The following PDE1A variants were observed in gnomAD, a reference collection of about 807,000 sequenced individuals.
The protein encoded by PDE1A is phosphodiesterase 1A, also known as dual specificity calcium/calmodulin-dependent 3',5'-cyclic nucleotide phosphodiesterase 1A.
Under a neutral mutation model 61.7 loss-of-function variants are expected in PDE1A, and 35 were observed. The ratio of observed to expected loss-of-function variants is 0.57; its 90% CI spans 0.43 to 0.75. The LOEUF is 0.75. Among genes scored for constraint, PDE1A ranks in the 30% least tolerant of loss-of-function variants. The pLI is 0.00. For synonymous variants in PDE1A, 232 were observed against 213.2 expected, an observed-to-expected ratio of 1.09 and a Z score of -0.77; for missense variants, 597 against 630.6, an observed-to-expected ratio of 0.95 and a Z score of 0.57.
the PDE1A span, among the ~76,000 whole-genome samples, chr2:182,534,618 CTTTTT>C: frequency 6.6e-6 from 1 of 151,202 alleles, no homozygotes; most frequent in Non-Finnish European, 1.5e-5. Flanking sequence ...AATTTTTAAT[CTTTTT>C]TTCTTTTCTA....
the PDE1A span, among the ~76,000 whole-genome samples, chr2:182,560,339 T>A: frequency 1.4e-3 from 218 of 151,486 alleles, no homozygotes; most frequent in Middle Eastern, 0.01. Context: ...TTGCGATAGT[T>A]TACTGAGAAT....
At chr2:182,191,470 G>T (rs1050173471) in intron 10 of PDE1A, among the ~76,000 whole-genome samples, 1 of 152,116 alleles carries the variant, frequency 6.6e-6, no homozygotes, top group Non-Finnish European at 1.5e-5. Flanking sequence ...TGATATTAGA[G>T]ATGCTTATTT....
intron 2 of PDE1A, among the ~76,000 whole-genome samples, chr2:182,485,183 C>A (rs1304118433): frequency 1.3e-5 from 2 of 152,044 alleles, no homozygotes; most frequent in Non-Finnish European, 2.9e-5. Flanking sequence ...TACTATGCAG[C>A]CATAAAAAGA....
At chr2:182,305,071 C>T (rs1302159311) in intron 1 of PDE1A, among the ~76,000 whole-genome samples, 2 of 152,078 alleles carry the variant, frequency 1.3e-5, no homozygotes, top group Non-Finnish European at 2.9e-5. Flanking sequence ...TTTCAGTTGT[C>T]CACCAAGAAA....
chr2:182,222,594 T>C (rs1479063587), intron 7 of PDE1A, among the ~76,000 whole-genome samples: 1 of 151,972 alleles, frequency 6.6e-6, no homozygotes, highest in Non-Finnish European at 1.5e-5. Flanking sequence ...GTAACAAATA[T>C]CTCACACCAG....
the PDE1A span, among the ~76,000 whole-genome samples, chr2:182,603,251 C>T: frequency 6.6e-6 from 1 of 152,150 alleles, no homozygotes; most frequent in African/African-American, 2.4e-5. Context: ...ATCAGTTTTG[C>T]TGATATTCAC....
intron 2 of PDE1A, among the ~76,000 whole-genome samples, chr2:182,511,168 T>C (rs1186460571): frequency 3.3e-5 from 5 of 151,954 alleles, no homozygotes; most frequent in Admixed American, 1.3e-4. Flanking sequence ...AATTGAGGAA[T>C]TGAAAAATCA....
At chr2:182,380,766 T>C (rs1386347459) in intron 1 of PDE1A, among the ~76,000 whole-genome samples, 1 of 152,238 alleles carries the variant, frequency 6.6e-6, no homozygotes, top group South Asian at 2.1e-4. Flanking sequence ...AGGATAATTA[T>C]TAGGCATGGA....
chr2:182,199,104 A>G (rs1193111385), intron 10 of PDE1A, among the ~76,000 whole-genome samples: 4 of 151,952 alleles, frequency 2.6e-5, no homozygotes, highest in African/African-American at 7.2e-5. Context: ...AATTTTGACA[A>G]TTTCATCTAA....
intron 2 of PDE1A, among the ~76,000 whole-genome samples, chr2:182,434,840 C>T (rs952257038): frequency 7.2e-5 from 11 of 151,858 alleles, no homozygotes; most frequent in African/African-American, 2.4e-4. Context: ...TCATTGGCCA[C>T]AAATTCAATA....
chr2:182,305,967 A>G (rs1695556266), intron 1 of PDE1A, among the ~76,000 whole-genome samples: 1 of 152,154 alleles, frequency 6.6e-6, no homozygotes, highest in Non-Finnish European at 1.5e-5. Flanking sequence ...ATACTATGCA[A>G]TAGAGTTCAA....
intron 2 of PDE1A, among the ~76,000 whole-genome samples, chr2:182,468,300 G>C (rs1686803441): frequency 6.6e-6 from 1 of 151,842 alleles, no homozygotes; most frequent in South Asian, 2.1e-4. Flanking sequence ...TCTTAACTAA[G>C]TTTATGTACA....
chr2:182,354,365 C>T (rs7599577), intron 1 of PDE1A, among the ~76,000 whole-genome samples: 3,320 of 152,220 alleles, frequency 0.022, 136 homozygotes, highest in African/African-American at 0.076. Flanking sequence ...GGGGCACATC[C>T]TATCAATCCT....
chr2:182,163,456 T>C (rs973561859), downstream of PDE1A, among the ~76,000 whole-genome samples: 1 of 151,000 alleles, frequency 6.6e-6, no homozygotes. Flanking sequence ...TTGATGATAT[T>C]ATGTTAATTG....
upstream of PDE1A, among the ~76,000 whole-genome samples, chr2:182,428,146 C>A (rs555960385): frequency 2.5e-3 from 382 of 152,180 alleles, 3 homozygotes; most frequent in South Asian, 0.012. Flanking sequence ...GAGCATTGAA[C>A]TAAAAATAAA....
chr2:182,204,116 A>C (rs1480667835), intron 8 of PDE1A, among the ~76,000 whole-genome samples: 1 of 131,936 alleles, frequency 7.6e-6, no homozygotes, highest in Non-Finnish European at 1.6e-5. Context: ...TGAGGAAAAA[A>C]TGTTTATTTC....
chr2:182,626,830 TATATATAC>T, the PDE1A span, among the ~76,000 whole-genome samples: 107 of 31,782 alleles, frequency 3.4e-3, 3 homozygotes, highest in South Asian at 7.9e-3. Context: ...TATATACATA[TATATATAC>T]ATATATATAC....
chr2:182,464,498 A>C (rs1686523138), intron 2 of PDE1A, among the ~76,000 whole-genome samples: 2 of 152,154 alleles, frequency 1.3e-5, no homozygotes, highest in Admixed American at 6.5e-5. Flanking sequence ...CACCCTATCT[A>C]AAATAGACTA....
chr2:182,302,698 G>A (rs1695324160), intron 1 of PDE1A, among the ~76,000 whole-genome samples: 1 of 152,152 alleles, frequency 6.6e-6, no homozygotes, highest in South Asian at 2.1e-4. Context: ...AGATTTATCT[G>A]TAGCATGCAA....
Sources: allele counts gnomAD v4.1 joint callset (sites outside exome capture counted in the v4.1 genomes callset), GRCh38; gene constraint gnomAD v4.1.1; transcripts MANE v1.5; gene names NCBI Gene and HGNC (gene_info 2026-07-23, HGNC 2026-07-21).